Variants in SLAMF1 observed in about 807,000 individuals in gnomAD.
SLAMF1 encodes signaling lymphocytic activation molecule family member 1, also known as signaling lymphocytic activation molecule.
Under a neutral mutation model 35.1 loss-of-function variants are expected in SLAMF1, and 18 were observed. The ratio of observed to expected loss-of-function variants is 0.51; its 90% CI spans 0.35 to 0.76. The LOEUF (loss-of-function observed/expected upper bound fraction) is 0.76, where lower values mean the gene tolerates loss of function less well. Among genes scored for constraint, SLAMF1 ranks in the 30% least tolerant of loss-of-function variants. The probability of loss-of-function intolerance (pLI) is 0.01; values close to 1 mark genes in which losing one functional copy is unlikely to be tolerated. For synonymous variants in SLAMF1, 168 were observed against 157.2 expected (o/e 1.07, Z -0.51); for missense variants, 392 against 413.0 (o/e 0.95, Z 0.44).
At chr1:160,624,487 T>C (rs1184617662) in intron 3 of SLAMF1, among the ~76,000 whole-genome samples, 1 of 152,256 alleles carries the variant, frequency 6.6e-6, no homozygotes, top group Admixed American at 6.5e-5. Context: ...TCATCTCTCC[T>C]AAGTCAATCT....
intron 2 of SLAMF1, 190 bp downstream of exon 2, chr1:160,637,001 T>C (rs1444297248): frequency 6.8e-6 from 4 of 590,996 alleles, no homozygotes. Context: ...ACCATCAATA[T>C]GCAATTTGGA....
At chr1:160,641,153 GA>G (rs1370776306) in intron 1 of SLAMF1, among the ~76,000 whole-genome samples, 1 of 152,130 alleles carries the variant, frequency 6.6e-6, no homozygotes, top group Non-Finnish European at 1.5e-5. Flanking sequence ...AAGTTGTATA[GA>G]TGAGCGTATA....
At chr1:160,640,237 G>A (rs2102356546) in intron 1 of SLAMF1, among the ~76,000 whole-genome samples, 1 of 149,782 alleles carries the variant, frequency 6.7e-6, no homozygotes, top group Non-Finnish European at 1.5e-5. Flanking sequence ...TAGTATATAG[G>A]AGGCATTTAA....
intron 1 of SLAMF1, among the ~76,000 whole-genome samples, chr1:160,641,667 T>C (rs547658864): frequency 2.0e-5 from 3 of 151,704 alleles, no homozygotes; most frequent in Admixed American, 6.5e-5. Context: ...AGTGTGTGAG[T>C]GTTGGGGTCT....
chr1:160,634,672 G>C lies in SLAMF1; in HGVS notation c.641C>G (p.Pro214Arg), dbSNP rs1259033407. 6.2e-7 allele frequency: 1 copy of C among 1,614,068 alleles called. No homozygotes were observed. Among genetic ancestry groups the C allele is most frequent in the South Asian group, 1.1e-5 (1 of 91,070 alleles). ...DNIYICTVSN[P>R]ISNNSQTFSP... The stretch of plus-strand genomic sequence containing the variant: ...GAAGGTCTGGGAATTGTTGCTGATA[G>C]GGTTGCTCACGGTGCAGATGTAGAT... The change falls in exon 3 of 7, where the codon CCT becomes CGT. Residue 214 changes from proline to arginine, a missense_variant. Pro to Arg is a moderately radical substitution (Grantham distance 103, BLOSUM62 -2). Transcript: ENST00000302035.
At chr1:160,611,675 C>G (rs967489194) in intron 6 of SLAMF1, among the ~76,000 whole-genome samples, 1 of 152,214 alleles carries the variant, frequency 6.6e-6, no homozygotes, top group Non-Finnish European at 1.5e-5. Context: ...CCGAAGTAAA[C>G]TTAGTCCCTG....
At chr1:160,633,226 G>T (rs544802366) in intron 3 of SLAMF1, among the ~76,000 whole-genome samples, 1 of 152,234 alleles carries the variant, frequency 6.6e-6, no homozygotes, top group Admixed American at 6.5e-5. Context: ...GCTCTGAACT[G>T]GGGGGTAGCC....
intron 3 of SLAMF1, among the ~76,000 whole-genome samples, chr1:160,631,788 A>G (rs1411614188): frequency 6.6e-6 from 1 of 152,190 alleles, no homozygotes; most frequent in Non-Finnish European, 1.5e-5. Context: ...AAACCTGCCA[A>G]CACCTTGACC....
At chr1:160,633,402 C>A (rs1273148908) in intron 3 of SLAMF1, among the ~76,000 whole-genome samples, 3 of 152,174 alleles carry the variant, frequency 2.0e-5, no homozygotes, top group Admixed American at 6.5e-5. Context: ...ATTTTCCCAG[C>A]AGTCCATCTG....
rs561438591 is a variant in SLAMF1, at chr1:160,614,314, G to A, written c.865-1734C>T. 4.6e-5 allele frequency among the ~76,000 whole-genome samples: 7 copies of A among 152,250 alleles called. No individual in the cohort carries two copies. In the South Asian group the frequency reaches 6.2e-4, roughly 14 times the overall value. On this transcript the variant is annotated intron_variant, in intron 5 of 6. Transcript: ENST00000302035. ...CCTTTGGCCGGGCGTGGTGGCTCAC[G>A]CCTGTAATCCCAGCACTTTGGGAGG...
chr1:160,643,587 C>T (rs1660872979), intron 1 of SLAMF1, among the ~76,000 whole-genome samples: 1 of 152,160 alleles, frequency 6.6e-6, no homozygotes, highest in South Asian at 2.1e-4. Context: ...AGTTTTATTT[C>T]CCCACCCTCT....
At chr1:160,643,495 A>T (rs1414320098) in intron 1 of SLAMF1, among the ~76,000 whole-genome samples, 3 of 152,204 alleles carry the variant, frequency 2.0e-5, no homozygotes, top group Non-Finnish European at 4.4e-5. Flanking sequence ...TTACCTATGC[A>T]AATAACTACA....
At position 160,610,804 on chromosome 1, in the gene SLAMF1, G is replaced by T; in HGVS notation, c.958-6C>A. The T allele has an allele frequency of 1.2e-6, 2 of 1,608,360 alleles. No individual in the cohort carries two copies. Among genetic ancestry groups the T allele is most frequent in the Non-Finnish European group, 1.7e-6 (2 of 1,174,722 alleles). On this transcript the variant is annotated splice_region_variant and splice_polypyrimidine_tract_variant and intron_variant, in intron 6 of 6. Coordinates refer to ENST00000302035, the MANE Select transcript of SLAMF1 (RefSeq NM_003037.5). ...ACTGTGATGGAATTTGTTTCCTGGG[G>T]ACAAAGCAGAAGTCTGTGAGTAGAG...
In SLAMF1 at chr1:160,610,289, G is replaced by T. The variant is rs1309568846; in HGVS notation, c.*459C>A. 1 of 456,778 alleles carries T rather than the reference G, an allele frequency of 2.2e-6. No individual in the cohort carries two copies. Among genetic ancestry groups the T allele is most frequent in the African/African-American group, 2.0e-5 (1 of 50,090 alleles). The allele number at this position is 456,778 out of a possible 1,614,324, so 28.3% of individuals were successfully genotyped here. On this transcript the variant is annotated 3_prime_UTR_variant, in exon 7 of 7. Coordinates refer to ENST00000302035, the MANE Select transcript of SLAMF1 (RefSeq NM_003037.5). ...CACAGAGGCTTGATCAGGTCTGCAG[G>T]TTATCATGATCAGCTCCCAGAACAA...
chr1:160,632,653 G>A (rs1003991242), intron 3 of SLAMF1, among the ~76,000 whole-genome samples: 2 of 152,124 alleles, frequency 1.3e-5, no homozygotes, highest in African/African-American at 4.8e-5. Flanking sequence ...GGTTAGGCCA[G>A]GGTAAAATAT....
intron 1 of SLAMF1, among the ~76,000 whole-genome samples, chr1:160,644,881 G>A (rs1259139095): frequency 1.3e-5 from 2 of 152,108 alleles, no homozygotes; most frequent in Non-Finnish European, 2.9e-5. Context: ...GTGTGTGAAG[G>A]GGGTGCAGAG....
chr1:160,623,532 G>T, intron 4 of SLAMF1: 1 of 398,792 alleles, frequency 2.5e-6, no homozygotes, highest in Admixed American at 4.4e-5. Context: ...CATCTCTCCT[G>T]GTCTTGGGTC....
At chr1:160,639,706 A>G (rs1403711415) in intron 1 of SLAMF1, among the ~76,000 whole-genome samples, 1 of 152,140 alleles carries the variant, frequency 6.6e-6, no homozygotes, top group East Asian at 1.9e-4. Context: ...TTTAAAAACC[A>G]TGTCCTATTT....
chr1:160,618,511 G>T (rs184604087), intron 5 of SLAMF1, among the ~76,000 whole-genome samples: 8 of 152,122 alleles, frequency 5.3e-5, no homozygotes, highest in Admixed American at 5.2e-4. Flanking sequence ...TGTTTGCAAA[G>T]TAAGACATGC....
Sources: allele counts gnomAD v4.1 joint callset (sites outside exome capture counted in the v4.1 genomes callset), GRCh38; gene constraint gnomAD v4.1.1; transcripts MANE v1.5; gene names NCBI Gene and HGNC (gene_info 2026-07-23, HGNC 2026-07-21).